The following DAB1 variants were observed in gnomAD, a reference collection of about 807,000 sequenced individuals.
DAB1 encodes the protein disabled homolog 1.
In DAB1, 15 loss-of-function variants were observed where a neutral mutation model predicts 64.6. The observed-to-expected ratio is 0.23, with a 90% CI of 0.16 to 0.36. DAB1 has a LOEUF of 0.36. Among genes scored for constraint, DAB1 ranks in the 10% least tolerant of loss-of-function variants. The pLI is 1.00. For synonymous variants in DAB1, 235 were observed against 251.9 expected (o/e 0.93, Z 0.64); for missense variants, 596 against 706.7 (o/e 0.84, Z 1.78).
chr1:58,121,199 A>G (rs903987819), intron 5 of DAB1, among the ~76,000 whole-genome samples: 1 of 152,150 alleles, frequency 6.6e-6, no homozygotes, highest in African/African-American at 2.4e-5. Context: ...ATGATCATCA[A>G]GATACCAGAG....
At chr1:58,510,274 C>T (rs1364345409) in intron 2 of DAB1, among the ~76,000 whole-genome samples, 1 of 152,042 alleles carries the variant, frequency 6.6e-6, no homozygotes, top group Non-Finnish European at 1.5e-5. Context: ...TTAAAAGGAT[C>T]ACACCTCATG....
intron 6 of DAB1, among the ~76,000 whole-genome samples, chr1:57,738,172 G>A (rs556338618): frequency 7.4e-4 from 112 of 152,276 alleles, no homozygotes; most frequent in Non-Finnish European, 1.1e-3. Context: ...ATAAATGACA[G>A]TTCCTTTCTT....
intron 7 of DAB1, among the ~76,000 whole-genome samples, chr1:57,509,834 T>G (rs1644387109): frequency 1.3e-5 from 2 of 152,176 alleles, no homozygotes; most frequent in South Asian, 4.1e-4. Context: ...CCACCAACTG[T>G]GTCGTTATAG....
rs559325675 is a variant in DAB1, at chr1:57,956,806, A to G, written n.388-72644T>C. 5.9e-5 allele frequency among the ~76,000 whole-genome samples: 9 copies of G among 152,360 alleles called. No individual in the cohort carries two copies. In the East Asian group the frequency reaches 1.5e-3, roughly 26 times the overall value. ...ATATGCAACTGAAGTGGATATTTCA[A>G]TAAAGAGTTGAGCAACATGTGGTCT... On this transcript the variant is annotated intron_variant and non_coding_transcript_variant, in intron 5 of 20. Coordinates refer to the DAB1 transcript ENST00000485760.
chr1:58,062,315 A>T (rs996330461), intron 5 of DAB1, among the ~76,000 whole-genome samples: 11 of 152,236 alleles, frequency 7.2e-5, no homozygotes, highest in African/African-American at 2.7e-4. Flanking sequence ...CACAGACCTC[A>T]TAAGTAGTAA....
chr1:58,102,274 G>A (rs1278872542), intron 5 of DAB1, among the ~76,000 whole-genome samples: 1 of 152,188 alleles, frequency 6.6e-6, no homozygotes, highest in East Asian at 1.9e-4. Flanking sequence ...CTGTTGAATA[G>A]GACCTAGGAA....
At chr1:57,271,357 C>A (rs774283800) in intron 2 of DAB1, among the ~76,000 whole-genome samples, 41 of 152,206 alleles carry the variant, frequency 2.7e-4, no homozygotes, top group Non-Finnish European at 4.6e-4. Flanking sequence ...CTGGTGTTTA[C>A]TGTATTTTGA....
At chr1:57,249,767 C>T (rs891218051) in intron 2 of DAB1, among the ~76,000 whole-genome samples, 4 of 152,202 alleles carry the variant, frequency 2.6e-5, no homozygotes, top group Non-Finnish European at 1.5e-5. Context: ...GTGCTCTTTC[C>T]ACTCACTGCC....
chr1:58,357,500 C>T (rs1368907515), intron 3 of DAB1, among the ~76,000 whole-genome samples: 1 of 152,098 alleles, frequency 6.6e-6, no homozygotes. Context: ...AAGAGAAAGT[C>T]CAATAGGCAC....
intron 2 of DAB1, among the ~76,000 whole-genome samples, chr1:57,149,840 C>T (rs1045451045): frequency 2.0e-5 from 3 of 152,158 alleles, no homozygotes; most frequent in African/African-American, 4.8e-5. Context: ...AACTGGCAGA[C>T]GTCTTACTCT....
intron 7 of DAB1, among the ~76,000 whole-genome samples, chr1:57,640,937 G>A (rs904080094): frequency 6.6e-6 from 1 of 152,144 alleles, no homozygotes; most frequent in African/African-American, 2.4e-5. Context: ...AATGAAGGCT[G>A]CTGTTAGATG....
rs74741603 is a variant in DAB1, at chr1:58,358,782, G to T, written n.258-15379C>A. 6.9e-3 allele frequency among the ~76,000 whole-genome samples: 1,053 copies of T among 152,132 alleles called. 13 individuals are homozygous for T. Among genetic ancestry groups the T allele is most frequent in the African/African-American group, 0.025 (1,019 of 41,490 alleles). ...CCCCTTTGGATATGATTTCCAGAAT[G>T]CCAGAATAATGTGCTATGTCTCCTT... On this transcript the variant is annotated intron_variant and non_coding_transcript_variant, in intron 3 of 20. Coordinates refer to the DAB1 transcript ENST00000485760.
chr1:58,301,411 C>T (rs909699437), intron 4 of DAB1, among the ~76,000 whole-genome samples: 4 of 152,170 alleles, frequency 2.6e-5, no homozygotes, highest in East Asian at 3.8e-4. Context: ...AGCCCACGGG[C>T]CACATGCTGC....
chr1:57,074,060 GGGTTTCACCAT>G (rs1651761113), intron 4 of DAB1, among the ~76,000 whole-genome samples: 1 of 151,984 alleles, frequency 6.6e-6, no homozygotes, highest in East Asian at 1.9e-4. Flanking sequence ...TGTAGAGATG[GGGTTTCACCAT>G]GTTGCCCAGG....
At position 57,623,078 on chromosome 1, in the gene DAB1, G is replaced by A. The variant is rs546587061; in HGVS notation, n.625+26514C>T. 5.1e-4 allele frequency among the ~76,000 whole-genome samples: 78 copies of A among 152,072 alleles called. No homozygotes were observed. In the South Asian group the frequency reaches 0.016, roughly 31 times the overall value. On this transcript the variant is annotated intron_variant and non_coding_transcript_variant, in intron 7 of 20. Transcript: ENST00000485760. ...GATCATTGCTGCTTTTTTTCCCTTC[G>A]TTATTTGTCATCGGCGGAGTGGTAA...
At chr1:58,061,498 T>C (rs1196967657) in intron 5 of DAB1, among the ~76,000 whole-genome samples, 1 of 152,200 alleles carries the variant, frequency 6.6e-6, no homozygotes, top group South Asian at 2.1e-4. Flanking sequence ...CGTCTTCACA[T>C]GGCCCTGTGT....
At chr1:57,552,111 C>T (rs1644920821) in intron 7 of DAB1, among the ~76,000 whole-genome samples, 1 of 152,170 alleles carries the variant, frequency 6.6e-6, no homozygotes, top group African/African-American at 2.4e-5. Flanking sequence ...TCTGGCTTTA[C>T]AATGGACATT....
At chr1:57,947,304 C>A (rs1353982632) in intron 5 of DAB1, among the ~76,000 whole-genome samples, 1 of 152,098 alleles carries the variant, frequency 6.6e-6, no homozygotes, top group Non-Finnish European at 1.5e-5. Context: ...TGCCCAAAAT[C>A]CCCAAGGTAA....
intron 3 of DAB1, among the ~76,000 whole-genome samples, chr1:58,494,027 G>A (rs1645748719): frequency 6.6e-6 from 1 of 151,736 alleles, no homozygotes; most frequent in Non-Finnish European, 1.5e-5. Flanking sequence ...ATACTACAAG[G>A]CTACAGTAAC....
Sources: allele counts gnomAD v4.1 joint callset (sites outside exome capture counted in the v4.1 genomes callset), GRCh38; gene constraint gnomAD v4.1.1; transcripts MANE v1.5; gene names NCBI Gene and HGNC (gene_info 2026-07-23, HGNC 2026-07-21).